LRRC7: variants seen among roughly 807,000 people sequenced by gnomAD.
LRRC7 encodes the protein leucine rich repeat containing 7.
Under a neutral mutation model 175.7 loss-of-function variants are expected in LRRC7, and 23 were observed. That is an observed-to-expected ratio of 0.13 (90% CI 0.09 to 0.19). LRRC7 has a LOEUF of 0.19. Ranked by LOEUF, LRRC7 falls within the 10% of genes least tolerant of loss-of-function variation. The pLI is 1.00. For synonymous variants in LRRC7, 685 were observed against 680.9 expected (o/e 1.01, Z -0.09); for missense variants, 1,354 against 1,904.7 (o/e 0.71, Z 5.38).
intron 2 of LRRC7, among the ~76,000 whole-genome samples, chr1:69,714,932 G>C (rs1256308869): frequency 6.6e-6 from 1 of 152,126 alleles, no homozygotes; most frequent in Non-Finnish European, 1.5e-5. Context: ...TTGATTCTAA[G>C]ACTATGCATT....
chr1:70,104,884 C>T (rs1353055910), intron 25 of LRRC7, among the ~76,000 whole-genome samples: 2 of 152,180 alleles, frequency 1.3e-5, no homozygotes, highest in African/African-American at 4.8e-5. Flanking sequence ...ATTATTAAAA[C>T]TGTTCCTGTA....
intron 7 of LRRC7, among the ~76,000 whole-genome samples, chr1:69,902,995 T>G (rs1195215950): frequency 2.0e-5 from 3 of 152,238 alleles, no homozygotes; most frequent in Non-Finnish European, 4.4e-5. Flanking sequence ...GTCCATTATT[T>G]CTGATAGTTG....
At chr1:69,886,685 A>G (rs6424602) in intron 7 of LRRC7, among the ~76,000 whole-genome samples, 77,050 of 140,932 alleles carry the variant, frequency 0.55, 21,153 homozygotes, top group East Asian at 0.69. Context: ...GATTTTGCTC[A>G]TTAGTTGATG....
At chr1:69,718,164 G>GAAAGA (rs1553146156) in intron 2 of LRRC7, among the ~76,000 whole-genome samples, 1 of 149,570 alleles carries the variant, frequency 6.7e-6, no homozygotes, top group Non-Finnish European at 1.5e-5. Context: ...AAGAAAGAAA[G>GAAAGA]AAAGAAAGAA....
At chr1:69,627,915 A>G (rs1651864076) in intron 1 of LRRC7, among the ~76,000 whole-genome samples, 1 of 143,108 alleles carries the variant, frequency 7.0e-6, no homozygotes, top group Non-Finnish European at 1.6e-5. Context: ...TTATTCCAAC[A>G]TAATCAGTTT....
At chr1:70,116,701 C>T (rs950664344) in intron 26 of LRRC7, among the ~76,000 whole-genome samples, 1 of 151,878 alleles carries the variant, frequency 6.6e-6, no homozygotes, top group Non-Finnish European at 1.5e-5. Flanking sequence ...AAGAACTGAA[C>T]GTCTATAATT....
chr1:69,856,144 A>T (rs1683588087), intron 7 of LRRC7, among the ~76,000 whole-genome samples: 1 of 152,166 alleles, frequency 6.6e-6, no homozygotes, highest in Non-Finnish European at 1.5e-5. Flanking sequence ...TAATACCGTT[A>T]TGTGTGAATT....
At chr1:69,908,886 T>C (rs1195312776) in intron 7 of LRRC7, among the ~76,000 whole-genome samples, 1 of 151,192 alleles carries the variant, frequency 6.6e-6, no homozygotes, top group African/African-American at 2.4e-5. Context: ...AGTCTCCCAT[T>C]ATTATTGTGT....
intron 10 of LRRC7, among the ~76,000 whole-genome samples, chr1:69,993,682 T>TA (rs1654657418): frequency 1.3e-5 from 2 of 152,216 alleles, no homozygotes; most frequent in African/African-American, 4.8e-5. Flanking sequence ...TCATGAAACT[T>TA]ACTATGTCAA....
chr1:69,655,668 A>G (rs1393403570), intron 1 of LRRC7, among the ~76,000 whole-genome samples: 1 of 152,094 alleles, frequency 6.6e-6, no homozygotes, highest in Non-Finnish European at 1.5e-5. Flanking sequence ...AGTAAAGAAA[A>G]GGAAAAAGGA....
At chr1:70,069,682 T>C (rs1662239432) in intron 23 of LRRC7, among the ~76,000 whole-genome samples, 1 of 152,228 alleles carries the variant, frequency 6.6e-6, no homozygotes, top group Admixed American at 6.5e-5. Context: ...CATTATTTTA[T>C]CATGTAATTT....
At chr1:69,716,322 A>G in intron 2 of LRRC7, 2 of 407,640 alleles carry the variant, frequency 4.9e-6, no homozygotes, top group Non-Finnish European at 4.5e-6. Flanking sequence ...TTAAATTTAT[A>G]CTTAGCAGTT....
chr1:70,000,739 A>G (rs1655444790), intron 11 of LRRC7, among the ~76,000 whole-genome samples: 1 of 152,172 alleles, frequency 6.6e-6, no homozygotes, highest in Non-Finnish European at 1.5e-5. Flanking sequence ...CTTAAACATC[A>G]GTGAGCATTC....
At chr1:69,814,989 C>T (rs1678412070) in intron 4 of LRRC7, among the ~76,000 whole-genome samples, 1 of 152,134 alleles carries the variant, frequency 6.6e-6, no homozygotes, top group African/African-American at 2.4e-5. Context: ...CCAGAACTCT[C>T]CCTAAGCTGC....
intron 22 of LRRC7, 85 bp downstream of exon 22, chr1:70,044,179 CA>C: frequency 1.4e-6 from 2 of 1,426,238 alleles, no homozygotes; most frequent in Admixed American, 1.8e-5. Context: ...GCTATACATA[CA>C]ACCCTGCTTA....
intron 8 of LRRC7, among the ~76,000 whole-genome samples, chr1:69,952,137 C>A (rs1290182655): frequency 6.6e-6 from 1 of 151,744 alleles, no homozygotes; most frequent in African/African-American, 2.4e-5. Context: ...AAAAGTTTTA[C>A]AAAGTTTAAG....
At chr1:69,885,453 G>A (rs11526586) in intron 7 of LRRC7, among the ~76,000 whole-genome samples, 11,220 of 128,646 alleles carry the variant, frequency 0.087, 596 homozygotes, top group African/African-American at 0.15. Flanking sequence ...CTGTGGGATC[G>A]GTGGTGATAT....
intron 24 of LRRC7, among the ~76,000 whole-genome samples, chr1:70,080,985 A>G (rs1350815403): frequency 6.6e-6 from 1 of 152,188 alleles, no homozygotes; most frequent in Admixed American, 6.5e-5. Context: ...CCTTCACAAT[A>G]TGGTAATGCT....
intron 7 of LRRC7, among the ~76,000 whole-genome samples, chr1:69,849,608 C>T (rs1192910749): frequency 6.6e-6 from 1 of 151,646 alleles, no homozygotes; most frequent in Non-Finnish European, 1.5e-5. Flanking sequence ...CATCTAATAC[C>T]TAAAAGCTTT....
Sources: gnomAD v4.1 joint callset for allele counts (sites outside exome capture counted in the v4.1 genomes callset) on GRCh38, gnomAD v4.1.1 for gene constraint, MANE v1.5 for transcripts, NCBI Gene and HGNC (gene_info 2026-07-23, HGNC 2026-07-21) for gene names.